MADD: variants seen among roughly 807,000 people sequenced by gnomAD.
The protein encoded by MADD is MAP kinase activating death domain, also known as MAP kinase-activating death domain protein.
Under a neutral mutation model 176.7 loss-of-function variants are expected in MADD, and 109 were observed. The observed-to-expected ratio is 0.62, with a 90% CI of 0.53 to 0.72. The LOEUF is 0.72. Ranked by LOEUF, MADD falls within the 30% of genes least tolerant of loss-of-function variation. MADD has a pLI of 0.00. For synonymous variants in MADD, 771 were observed against 771.3 expected, an observed-to-expected ratio of 1.00 and a Z score of 0.01; for missense variants, 1,914 against 2,045.5, an observed-to-expected ratio of 0.94 and a Z score of 1.24.
intron 5 of MADD, 84 bp from the exon 6 acceptor site, chr11:47,278,081 T>A: frequency 1.1e-6 from 1 of 898,920 alleles, no homozygotes; most frequent in East Asian, 2.4e-5. Flanking sequence ...GTATCTGCAT[T>A]TCCTTATCTA....
chr11:47,294,053 AT>A (rs2067934282), intron 20 of MADD, 70 bp downstream of exon 22: 2 of 1,302,652 alleles, frequency 1.5e-6, no homozygotes, highest in African/African-American at 1.5e-5. Context: ...TTAAGTTAAA[AT>A]AGAACAGTCA....
At chr11:47,299,805 A>T (rs2076243123) in intron 22 of MADD, among the ~76,000 whole-genome samples, 2 of 151,932 alleles carry the variant, frequency 1.3e-5, no homozygotes, top group South Asian at 4.1e-4. Context: ...GCTAGGATTA[A>T]CAGGTGTGAA....
intron 27 of MADD, among the ~76,000 whole-genome samples, chr11:47,315,553 C>T (rs532037661): frequency 6.6e-6 from 1 of 152,168 alleles, no homozygotes; most frequent in East Asian, 1.9e-4. Flanking sequence ...CGGCTCACTG[C>T]AACCTCCGCC....
intron 19 of MADD, 144 bp downstream of exon 20, chr11:47,290,960 G>A (rs2064646901): frequency 3.1e-6 from 2 of 655,230 alleles, no homozygotes; most frequent in Admixed American, 2.9e-5. Context: ...ATTTCTGGTG[G>A]TGTTTCTTTG....
At chr11:47,287,433 T>C (rs1210602908) in intron 15 of MADD, among the ~76,000 whole-genome samples, 3 of 152,218 alleles carry the variant, frequency 2.0e-5, no homozygotes, top group East Asian at 1.9e-4. Flanking sequence ...TCTGAGACAG[T>C]GTCACTCCGT....
Position 47,311,781 on chromosome 11 carries a change from C to T in MADD, c.4028C>T (p.Ser1343Leu), listed in dbSNP as rs759842048. Residue 1343 changes from serine to leucine, a missense_variant, in exon 26 of 33, where the codon TCG becomes TTG. Physicochemically the swap from Ser to Leu is moderately radical, Grantham distance 145. Transcript: ENST00000402192. ...AAGGTGAGGCGCCTAATGGGAAAGT[C>T]GCACATTGGGCTTGTGTACAGCCAG... The T allele has an allele frequency of 7.4e-6, 12 of 1,613,884 alleles. No homozygotes were observed. Among genetic ancestry groups the T allele is most frequent in the Admixed American group, 1.7e-5 (1 of 59,992 alleles).
intron 22 of MADD, among the ~76,000 whole-genome samples, chr11:47,298,950 G>GT (rs1468740920): frequency 6.6e-6 from 1 of 152,114 alleles, no homozygotes; most frequent in Non-Finnish European, 1.5e-5. Context: ...CCTATCCCCA[G>GT]TGAATATTCT....
At chr11:47,309,992 C>A (rs996839107) in intron 25 of MADD, among the ~76,000 whole-genome samples, 95 of 152,000 alleles carry the variant, frequency 6.3e-4, no homozygotes, top group African/African-American at 2.0e-3. Context: ...CAGGCGCACA[C>A]CACCATACCC....
At chr11:47,315,348 G>A in intron 27 of MADD, 21 bp downstream of exon 30, 1 of 1,459,604 alleles carries the variant, frequency 6.9e-7, no homozygotes. Context: ...GTTCATGCTG[G>A]GGGCCCAAAG....
exon 4 of MADD, chr11:47,276,046 C>A: frequency 6.2e-7 from 1 of 1,614,190 alleles, no homozygotes; most frequent in Non-Finnish European, 8.5e-7. Context: ...GAGTAGACAT[C>A]GAGGTCCTAC....
intron 22 of MADD, 23 bp from the exon 25 acceptor site, chr11:47,308,568 G>T: frequency 6.3e-7 from 1 of 1,592,664 alleles, no homozygotes; most frequent in South Asian, 1.1e-5. Flanking sequence ...TCTGGCCACT[G>T]ACCTATCACC....
At chr11:47,294,088 G>A in intron 20 of MADD, 105 bp downstream of exon 22, 1 of 944,162 alleles carries the variant, frequency 1.1e-6, no homozygotes, top group Non-Finnish European at 1.6e-6. Context: ...AGTGGCTCAT[G>A]CTTGTAATCC....
chr11:47,284,666 C>A, intron 12 of MADD, 101 bp downstream of exon 12: 1 of 1,426,620 alleles, frequency 7.0e-7, no homozygotes, highest in Non-Finnish European at 9.4e-7. Flanking sequence ...GCTTCTCACA[C>A]AATTTTCTCA....
exon 9 of MADD, chr11:47,282,476 C>T (rs1420561535): frequency 6.2e-7 from 1 of 1,614,226 alleles, no homozygotes; most frequent in Admixed American, 1.7e-5. Flanking sequence ...CCTGTGGTAG[C>T]TTTTCAAGCT....
chr11:47,323,911 A>C (rs2094976782), intron 28 of MADD, 76 bp downstream of exon 31: 1 of 1,509,534 alleles, frequency 6.6e-7, no homozygotes, highest in African/African-American at 1.4e-5. Flanking sequence ...TGGGAAGTTA[A>C]AATTCCAAAA....
intron 15 of MADD, among the ~76,000 whole-genome samples, chr11:47,288,019 C>T (rs1312017662): frequency 6.6e-6 from 1 of 151,622 alleles, no homozygotes; most frequent in Non-Finnish European, 1.5e-5. Flanking sequence ...GATCTCCTGA[C>T]CTTGTGATCT....
exon 17 of MADD, chr11:47,289,966 C>G (rs145803990): frequency 6.8e-6 from 11 of 1,613,942 alleles, no homozygotes; most frequent in Non-Finnish European, 9.3e-6. Flanking sequence ...TGCTGGAGAG[C>G]GAGCAGCTGC....
At chr11:47,284,060 A>AT in intron 10 of MADD, 118 bp from the exon 11 acceptor site, 5 of 716,472 alleles carry the variant, frequency 7.0e-6, no homozygotes, top group Non-Finnish European at 2.5e-6. Context: ...TCTTTATTTG[A>AT]TTTGTTCCCT....
intron 5 of MADD, 74 bp from the exon 6 acceptor site, chr11:47,278,091 A>T: frequency 1.0e-6 from 1 of 968,910 alleles, no homozygotes. Context: ...TTCCTTATCT[A>T]GAAGAATCCA....
Sources: gnomAD v4.1 joint callset for allele counts (sites outside exome capture counted in the v4.1 genomes callset) on GRCh38, gnomAD v4.1.1 for gene constraint, MANE v1.5 for transcripts, NCBI Gene and HGNC (gene_info 2026-07-23, HGNC 2026-07-21) for gene names.